The following FCHO2 variants were observed in gnomAD, a reference collection of about 807,000 sequenced individuals.
FCHO2 encodes the protein FCH and mu domain containing endocytic adaptor 2.
In FCHO2, 43 loss-of-function variants were observed where a neutral mutation model predicts 114.1. The ratio of observed to expected loss-of-function variants is 0.38; its 90% confidence interval spans 0.30 to 0.49. The LOEUF is 0.49. Ranked by LOEUF, FCHO2 falls within the 20% of genes least tolerant of loss-of-function variation. The pLI is 0.97. For synonymous variants in FCHO2, 293 were observed against 315.2 expected (o/e 0.93, Z 0.75); for missense variants, 807 against 950.4 (o/e 0.85, Z 1.98).
At chr5:73,037,902 G>T (rs754336562) in intron 10 of FCHO2, 1 of 309,466 alleles carries the variant, frequency 3.2e-6, no homozygotes, top group South Asian at 2.4e-5. Context: ...TGGAATTACG[G>T]CGCCCACCAC....
intron 19 of FCHO2, among the ~76,000 whole-genome samples, chr5:73,073,674 CA>C (rs1180975140): frequency 6.6e-6 from 1 of 152,004 alleles, no homozygotes; most frequent in East Asian, 1.9e-4. Flanking sequence ...AGTTGTGAGG[CA>C]GAAAAAGCCA....
chr5:73,041,954 T>C (rs1014091746), intron 11 of FCHO2, among the ~76,000 whole-genome samples: 2 of 152,104 alleles, frequency 1.3e-5, no homozygotes, highest in African/African-American at 4.8e-5. Context: ...TTGATAAGTA[T>C]AGGGGTTTCA....
chr5:73,053,105 A>G (rs1757411084), intron 13 of FCHO2, among the ~76,000 whole-genome samples: 1 of 152,216 alleles, frequency 6.6e-6, no homozygotes, highest in Admixed American at 6.5e-5. Flanking sequence ...GAAAAAAGCA[A>G]TTCTTAGGAT....
chr5:73,010,664 G>C (rs1754957133), intron 6 of FCHO2, among the ~76,000 whole-genome samples: 1 of 151,960 alleles, frequency 6.6e-6, no homozygotes, highest in African/African-American at 2.4e-5. Context: ...ATCACCTGAA[G>C]TCAGGAGTTC....
intron 24 of FCHO2, among the ~76,000 whole-genome samples, chr5:73,084,375 C>G (rs375372098): frequency 3.3e-5 from 5 of 152,158 alleles, no homozygotes; most frequent in Non-Finnish European, 7.4e-5. Flanking sequence ...AAGCAATTCT[C>G]CTGCCTCAGC....
chr5:73,014,001 T>C (rs1253455286), intron 6 of FCHO2, among the ~76,000 whole-genome samples: 2 of 151,652 alleles, frequency 1.3e-5, no homozygotes, highest in Non-Finnish European at 2.9e-5. Context: ...GCTTTTGATA[T>C]ATTTATTGTG....
chr5:72,977,366 C>G (rs1752948159), intron 2 of FCHO2, among the ~76,000 whole-genome samples: 2 of 152,204 alleles, frequency 1.3e-5, no homozygotes, highest in Admixed American at 1.3e-4. Context: ...TTGCATTTCT[C>G]TAATGACCAG....
At chr5:73,033,187 C>CT (rs1383430913) in intron 8 of FCHO2, among the ~76,000 whole-genome samples, 2 of 151,936 alleles carry the variant, frequency 1.3e-5, no homozygotes, top group Non-Finnish European at 2.9e-5. Flanking sequence ...CTCTTTAAGG[C>CT]TTTTTTGGAT....
Position 73,081,958 on chromosome 5 carries a change from T to TG in FCHO2, c.2157dup (p.Gln720AlafsTer21), listed in dbSNP as rs1437446296. The TG allele has an allele frequency of 6.3e-7, 1 of 1,577,082 alleles. No homozygotes were observed. The highest frequency in any genetic ancestry group is 1.8e-5 in the Admixed American group (1 of 56,230). On this transcript the variant is annotated frameshift_variant, in exon 23 of 26. Transcript: ENST00000430046. LOFTEE classifies it high-confidence loss of function. ...CCAGTGGATGGAGGAGTAACGAACATGCAGTCCCTTCCCCCTGCAATATGG... is the reference window on the plus strand; with the variant it reads ...CCAGTGGATGGAGGAGTAACGAACATGGCAGTCCCTTCCCCCTGCAATATGG...
chr5:72,995,349 G>A (rs925950022), intron 5 of FCHO2, among the ~76,000 whole-genome samples: 1 of 151,566 alleles, frequency 6.6e-6, no homozygotes, highest in South Asian at 2.1e-4. Flanking sequence ...TCCGCCTCCC[G>A]AGTTCAAGCA....
chr5:73,046,456 A>G (rs1325498867), intron 11 of FCHO2, among the ~76,000 whole-genome samples: 1 of 152,182 alleles, frequency 6.6e-6, no homozygotes, highest in Non-Finnish European at 1.5e-5. Context: ...ACAGCTTGGT[A>G]TTATTAAATT....
In FCHO2 at chr5:72,975,238, G is replaced by T. The variant is rs190162135; in HGVS notation, c.125+6649G>T. Among the ~76,000 whole-genome samples, 476 of 152,166 alleles carry T rather than the reference G, an allele frequency of 3.1e-3. 2 individuals are homozygous for T. In the Middle Eastern group the frequency reaches 0.034, roughly 11 times the overall value. ...GTATTTGTTTGTATCCCAGTGGCTA[G>T]CACAAAGCCTGGAACAATAGGATAA... On this transcript the variant is annotated intron_variant, in intron 2 of 25. Coordinates refer to ENST00000430046, the MANE Select transcript of FCHO2 (RefSeq NM_138782.3).
At chr5:73,060,359 G>A (rs1757797905) in intron 17 of FCHO2, among the ~76,000 whole-genome samples, 1 of 151,968 alleles carries the variant, frequency 6.6e-6, no homozygotes, top group Admixed American at 6.6e-5. Flanking sequence ...TAGTTATCTT[G>A]TTATATAGTA....
chr5:72,963,583 C>G (rs1210901862), intron 1 of FCHO2, among the ~76,000 whole-genome samples: 1 of 151,952 alleles, frequency 6.6e-6, no homozygotes, highest in African/African-American at 2.4e-5. Context: ...TCCTCTGTCG[C>G]CCAGGCTGGA....
At chr5:72,962,850 G>A (rs1277274934) in intron 1 of FCHO2, among the ~76,000 whole-genome samples, 3 of 151,610 alleles carry the variant, frequency 2.0e-5, no homozygotes, top group African/African-American at 4.9e-5. Context: ...CCGAGATCAC[G>A]CCACTGTACT....
rs775417681 is a variant in FCHO2 at position 73,034,717 on chromosome 5, A to T, written c.841+16A>T. 1.3e-6 allele frequency: 2 copies of T among 1,576,370 alleles called. No individual in the cohort carries two copies. Among genetic ancestry groups the T allele is most frequent in the South Asian group, 2.4e-5 (2 of 82,834 alleles). On this transcript the variant is annotated intron_variant, in intron 9 of 25. Coordinates refer to ENST00000430046, the MANE Select transcript of FCHO2 (RefSeq NM_138782.3). The stretch of plus-strand genomic sequence containing the variant: ...GCAGTTGAAGGTAAGTTGATTAGTT[A>T]TAATATGTTAATGCACATGGCAGCT...
In FCHO2 at chr5:73,010,295, G is replaced by A. The variant is rs758350910; in HGVS notation, c.600+3746G>A. Among the ~76,000 whole-genome samples, 14 of 152,232 alleles carry A rather than the reference G, an allele frequency of 9.2e-5. No individual in the cohort carries two copies. The South Asian group carries it at 1.0e-3, about 11-fold the overall frequency. ...TAAAATTTAGGTTTAGGATAAAAATGATTGAAATTGTGACTTTTTATGCTC... is the reference window on the plus strand; with the variant it reads ...TAAAATTTAGGTTTAGGATAAAAATAATTGAAATTGTGACTTTTTATGCTC... On this transcript the variant is annotated intron_variant, in intron 6 of 25. Coordinates refer to ENST00000430046, the MANE Select transcript of FCHO2 (RefSeq NM_138782.3).
At chr5:72,982,991 G>A (rs1160888246) in intron 2 of FCHO2, among the ~76,000 whole-genome samples, 2 of 150,986 alleles carry the variant, frequency 1.3e-5, no homozygotes, top group African/African-American at 4.9e-5. Context: ...TCTGCTCACC[G>A]CAAGCTCCGC....
chr5:73,041,780 G>C (rs1243253945), intron 11 of FCHO2, among the ~76,000 whole-genome samples: 2 of 151,940 alleles, frequency 1.3e-5, no homozygotes, highest in African/African-American at 4.8e-5. Flanking sequence ...TTTAAAGAAG[G>C]GTTGCTTATA....
Sources: allele counts gnomAD v4.1 joint callset (sites outside exome capture counted in the v4.1 genomes callset), GRCh38; gene constraint gnomAD v4.1.1; transcripts MANE v1.5; gene names NCBI Gene and HGNC (gene_info 2026-07-23, HGNC 2026-07-21).